The following DAAM1 variants were observed in gnomAD, a reference collection of about 807,000 sequenced individuals.
The protein encoded by DAAM1 is dishevelled associated activator of morphogenesis 1.
In DAAM1, 52 loss-of-function variants were observed where a neutral mutation model predicts 130.0. The observed-to-expected ratio is 0.40, with a 90% confidence interval of 0.32 to 0.50. The LOEUF (loss-of-function observed/expected upper bound fraction) is 0.50. DAAM1 is among the 20% of genes least tolerant of loss of function. The pLI, the probability that DAAM1 is intolerant of heterozygous loss-of-function variation, is 0.61. For missense variants in DAAM1, 1,134 were observed against 1,303.8 expected (o/e 0.87, Z 2.01); for synonymous variants, 452 against 444.5 (o/e 1.02, Z -0.21).
chr14:59,332,050 A>C (rs1213560686), intron 15 of DAAM1, 130 bp downstream of exon 15: 21 of 745,384 alleles, frequency 2.8e-5, no homozygotes, highest in Non-Finnish European at 4.2e-5. Flanking sequence ...TACCCTGTGC[A>C]TGTCCGTGTC....
At chr14:59,295,121 T>C (rs553993562) in intron 3 of DAAM1, among the ~76,000 whole-genome samples, 1 of 152,306 alleles carries the variant, frequency 6.6e-6, no homozygotes, top group African/African-American at 2.4e-5. Flanking sequence ...ACAGCAGATA[T>C]TTGAGGCAAA....
chr14:59,295,911 G>C (rs1307525765), intron 3 of DAAM1, among the ~76,000 whole-genome samples: 1 of 152,134 alleles, frequency 6.6e-6, no homozygotes, highest in Non-Finnish European at 1.5e-5. Flanking sequence ...GTGAGCATTG[G>C]ATTTCCAGGG....
At chr14:59,316,680 G>A (rs758295217) in intron 4 of DAAM1, among the ~76,000 whole-genome samples, 1 of 152,102 alleles carries the variant, frequency 6.6e-6, no homozygotes, top group Non-Finnish European at 1.5e-5. Flanking sequence ...TGACCACCAG[G>A]GATTTTCTGT....
chr14:59,293,641 C>A (rs909194910), intron 3 of DAAM1, among the ~76,000 whole-genome samples: 1 of 152,118 alleles, frequency 6.6e-6, no homozygotes, highest in Non-Finnish European at 1.5e-5. Context: ...TTAGGGAATC[C>A]CATGGGTTCT....
chr14:59,228,374 T>C (rs1889005689), intron 1 of DAAM1, among the ~76,000 whole-genome samples: 1 of 152,196 alleles, frequency 6.6e-6, no homozygotes, highest in African/African-American at 2.4e-5. Flanking sequence ...ATGATACTCT[T>C]GCCCAGTATT....
chr14:59,249,077 G>A (rs558695009), intron 1 of DAAM1, among the ~76,000 whole-genome samples: 9 of 152,280 alleles, frequency 5.9e-5, no homozygotes, highest in Non-Finnish European at 7.4e-5. Flanking sequence ...GTGAGCCACC[G>A]CGCCTGGCCC....
chr14:59,252,045 CTG>C (rs1476669306), intron 1 of DAAM1, among the ~76,000 whole-genome samples: 3 of 152,172 alleles, frequency 2.0e-5, no homozygotes, highest in Admixed American at 1.3e-4. Context: ...GCTTGCCACA[CTG>C]TAATTTTCAA....
intron 2 of DAAM1, among the ~76,000 whole-genome samples, chr14:59,283,000 A>G (rs1883290792): frequency 6.6e-6 from 1 of 152,116 alleles, no homozygotes; most frequent in Non-Finnish European, 1.5e-5. Flanking sequence ...CTTTCAATTC[A>G]GAATTGGTCA....
chr14:59,331,079 A>G lies in DAAM1; in HGVS notation c.1561-130A>G, dbSNP rs1454424384. On this transcript the variant is annotated intron_variant, in intron 13 of 24. Transcript: ENST00000360909. ...CAAAAGAGTCCATTCGACTTTACCG[A>G]TCCTTTAAACATTCTCAGAAGGGTG... The G allele has an allele frequency of 2.8e-6, 4 of 1,454,396 alleles. No individual in the cohort carries two copies. The African/African-American group carries it at 5.7e-5, about 21-fold the overall frequency. The allele number at this position is 1,454,396 out of a possible 1,614,324, so 90.1% of individuals were successfully genotyped here. A position where few individuals can be genotyped will look rare whatever the true frequency, so the allele number is the denominator to read the frequency against.
rs768502318 is a variant in DAAM1, at chr14:59,352,511, G to A, written c.2161-15G>A. On this transcript the variant is annotated splice_polypyrimidine_tract_variant and intron_variant, in intron 17 of 24. Transcript: ENST00000360909. ...GTGATAAACCTCAGTTTTAATATTC[G>A]TGTGTACTTTTCAGCTCTTGAAATT... 1.3e-5 allele frequency: 21 copies of A among 1,596,002 alleles called. No individual in the cohort carries two copies. Among genetic ancestry groups the A allele is most frequent in the East Asian group, 6.7e-5 (3 of 44,586 alleles).
chr14:59,243,020 G>T (rs570786887), intron 1 of DAAM1, among the ~76,000 whole-genome samples: 144 of 152,220 alleles, frequency 9.5e-4, no homozygotes, highest in African/African-American at 3.3e-3. Context: ...GACAATAAGG[G>T]ATGGTATTTT....
chr14:59,357,728 A>C (rs1037252662), intron 20 of DAAM1, among the ~76,000 whole-genome samples: 4 of 152,144 alleles, frequency 2.6e-5, no homozygotes, highest in Non-Finnish European at 2.9e-5. Flanking sequence ...CAGTGAGCCC[A>C]GATCGCACCA....
chr14:59,218,727 T>A (rs997045825), intron 1 of DAAM1, among the ~76,000 whole-genome samples: 2 of 152,052 alleles, frequency 1.3e-5, no homozygotes, highest in African/African-American at 2.4e-5. Context: ...GGAGCTAGAG[T>A]TTATTTTGGC....
At chr14:59,355,071 A>G in intron 19 of DAAM1, 94 bp from the exon 20 acceptor site, 1 of 1,470,094 alleles carries the variant, frequency 6.8e-7, no homozygotes, top group East Asian at 2.3e-5. Flanking sequence ...ATCTGTTATT[A>G]AGTGTGTGAA....
At chr14:59,327,034 T>G in intron 12 of DAAM1, 43 bp downstream of exon 12, 1 of 1,605,148 alleles carries the variant, frequency 6.2e-7, no homozygotes, top group Non-Finnish European at 8.5e-7. Context: ...TATTGGTTAT[T>G]GGGTGACCTT....
intron 2 of DAAM1, 195 bp downstream of exon 2, chr14:59,263,855 C>T (rs539239062): frequency 7.4e-5 from 50 of 677,050 alleles, no homozygotes; most frequent in Non-Finnish European, 9.8e-5. Context: ...GGTAGTATTA[C>T]TACATCCAAG....
rs773103520 is a variant in DAAM1, at chr14:59,367,576, C to G, written c.2974C>G (p.Arg992Gly). ...NMRKKKEEEE[R>G]RARMEAQLKE... is the part of the protein sequence containing the mutation. ...GAGAAAGAAAAAGGAGGAAGAAGAA[C>G]GTCGAGCTCGCATGGAAGCTCAGGT... The change falls in exon 24 of 25, where the codon CGT becomes GGT. Residue 992 changes from arginine to glycine, a missense_variant. Coordinates refer to ENST00000360909, the MANE Select transcript of DAAM1 (RefSeq NM_001270520.2). The G allele has an allele frequency of 6.2e-7, 1 of 1,613,594 alleles. No homozygotes were observed. Among genetic ancestry groups the G allele is most frequent in the Non-Finnish European group, 8.5e-7 (1 of 1,179,780 alleles).
chr14:59,360,530 A>T (rs747554172), intron 21 of DAAM1: 8 of 265,570 alleles, frequency 3.0e-5, no homozygotes, highest in Non-Finnish European at 4.9e-5. Context: ...AGTTTGAAAC[A>T]TAAAATATTT....
intron 13 of DAAM1, 94 bp downstream of exon 13, chr14:59,330,782 T>A: frequency 1.6e-6 from 2 of 1,264,062 alleles, no homozygotes; most frequent in Non-Finnish European, 2.1e-6. Flanking sequence ...ACTGGGGGAA[T>A]AAAATCTGAA....
Sources: allele counts gnomAD v4.1 joint callset (sites outside exome capture counted in the v4.1 genomes callset), GRCh38; gene constraint gnomAD v4.1.1; transcripts MANE v1.5; gene names NCBI Gene and HGNC (gene_info 2026-07-23, HGNC 2026-07-21).